The following NEBL variants were observed in gnomAD, a reference collection of about 807,000 sequenced individuals.
NEBL encodes nebulette, also known as LIM and SH3 protein 2.
A neutral mutation model predicts 140.2 loss-of-function variants in NEBL; 122 were observed. That is an observed-to-expected ratio of 0.87 (90% CI 0.75 to 1.01). The LOEUF (loss-of-function observed/expected upper bound fraction) is 1.01. Ranked by LOEUF, NEBL falls within the 50% of genes least tolerant of loss-of-function variation. NEBL has a pLI of 0.00. For synonymous variants in NEBL, 436 were observed against 398.9 expected, an observed-to-expected ratio of 1.09 and a Z score of -1.11; for missense variants, 1,365 against 1,231.3, an observed-to-expected ratio of 1.11 and a Z score of -1.62.
intron 2 of NEBL, among the ~76,000 whole-genome samples, chr10:20,893,401 A>T (rs1342058083): frequency 6.6e-6 from 1 of 152,256 alleles, no homozygotes; most frequent in African/African-American, 2.4e-5. Context: ...ACAGAAAAAT[A>T]AAAGAGGCTG....
intron 2 of NEBL, among the ~76,000 whole-genome samples, chr10:21,159,294 A>T (rs80160833): frequency 0.013 from 1,979 of 152,246 alleles, 29 homozygotes; most frequent in Non-Finnish European, 0.021. Flanking sequence ...TAGACCAGTC[A>T]CAGGGGTATG....
chr10:21,268,298 T>C (rs1448800447), intron 1 of NEBL, among the ~76,000 whole-genome samples: 1 of 151,984 alleles, frequency 6.6e-6, no homozygotes, highest in Non-Finnish European at 1.5e-5. Context: ...GCAAGACCCC[T>C]GTCTCTTCGA....
chr10:20,850,273 A>C (rs917414965), intron 11 of NEBL, 122 bp downstream of exon 11: 1 of 781,644 alleles, frequency 1.3e-6, no homozygotes, highest in East Asian at 2.5e-5. Flanking sequence ...TCTAGAAAGC[A>C]GGTCCTTGAA....
chr10:21,180,684 A>T (rs1841371929), intron 3 of NEBL, among the ~76,000 whole-genome samples: 1 of 152,064 alleles, frequency 6.6e-6, no homozygotes, highest in African/African-American at 2.4e-5. Context: ...CTCTCTCCCT[A>T]AGCCACCTTG....
At chr10:20,940,387 C>T (rs986066353) in intron 4 of NEBL, among the ~76,000 whole-genome samples, 320 of 146,590 alleles carry the variant, frequency 2.2e-3, no homozygotes, top group African/African-American at 7.1e-3. Flanking sequence ...TTGAAACCAA[C>T]GAGAACAAAG....
intron 2 of NEBL, among the ~76,000 whole-genome samples, chr10:21,038,071 A>C (rs895197732): frequency 5.9e-5 from 9 of 152,202 alleles, no homozygotes; most frequent in African/African-American, 2.2e-4. Context: ...TTATGATATC[A>C]CATCTTCTTA....
intron 3 of NEBL, among the ~76,000 whole-genome samples, chr10:21,237,426 A>G (rs1291246332): frequency 6.6e-6 from 1 of 152,118 alleles, no homozygotes; most frequent in Non-Finnish European, 1.5e-5. Flanking sequence ...GCTGGTCTCA[A>G]ACTCCTGACC....
At chr10:21,209,284 G>A (rs906146970) in intron 3 of NEBL, among the ~76,000 whole-genome samples, 1 of 152,138 alleles carries the variant, frequency 6.6e-6, no homozygotes, top group South Asian at 2.1e-4. Flanking sequence ...GAAAACCTAG[G>A]GAAGGGTTGC....
chr10:21,187,980 C>A (rs1169474077), intron 3 of NEBL, among the ~76,000 whole-genome samples: 1 of 152,090 alleles, frequency 6.6e-6, no homozygotes, highest in Non-Finnish European at 1.5e-5. Context: ...TAAAACTAGG[C>A]CCCTCTGGAG....
chr10:20,888,360 C>T (rs1188511397), intron 3 of NEBL, among the ~76,000 whole-genome samples, 153 bp from the exon 4 acceptor site: 1 of 152,170 alleles, frequency 6.6e-6, no homozygotes, highest in African/African-American at 2.4e-5. Context: ...AGCTGACAAA[C>T]TCCAGGATTC....
At position 20,831,586 on chromosome 10, in the gene NEBL, G is replaced by T; in HGVS notation, c.1450-3C>A. The T allele has an allele frequency of 6.3e-7, 1 of 1,580,074 alleles. No homozygotes were observed. Among genetic ancestry groups the T allele is most frequent in the Non-Finnish European group, 8.7e-7 (1 of 1,150,204 alleles). ...TCCAGATCTCTTTTATAGTCTTTCT[G>T]CAGAAAATGAAACATACAGTTAGTG... On this transcript the variant is annotated splice_polypyrimidine_tract_variant and splice_region_variant and intron_variant, in intron 14 of 27. Coordinates refer to ENST00000377122, the MANE Select transcript of NEBL (RefSeq NM_006393.3).
intron 2 of NEBL, among the ~76,000 whole-genome samples, chr10:21,126,974 CAAAAAAAA>C (rs55883304): frequency 6.2e-5 from 4 of 64,186 alleles, no homozygotes; most frequent in Admixed American, 1.9e-4. Context: ...GACCCTGTAT[CAAAAAAAA>C]AAAAAAAAAA....
intron 2 of NEBL, chr10:21,030,290 G>C (rs1833725979): frequency 1.5e-6 from 1 of 646,456 alleles, no homozygotes; most frequent in African/African-American, 1.8e-5. Context: ...AGAAACTCAG[G>C]AACTGGAACG....
chr10:21,130,900 C>G (rs1026821973), intron 2 of NEBL, among the ~76,000 whole-genome samples: 2 of 151,480 alleles, frequency 1.3e-5, no homozygotes, highest in Non-Finnish European at 2.9e-5. Flanking sequence ...GAGCAGAAAA[C>G]AATAAAATTG....
At chr10:21,035,616 G>A (rs1358955136) in intron 2 of NEBL, among the ~76,000 whole-genome samples, 2 of 152,130 alleles carry the variant, frequency 1.3e-5, no homozygotes, top group African/African-American at 4.8e-5. Flanking sequence ...CTTGAATCAG[G>A]AGAAAGATGT....
chr10:21,187,680 A>G (rs1021930672), intron 3 of NEBL, among the ~76,000 whole-genome samples: 1 of 151,656 alleles, frequency 6.6e-6, no homozygotes, highest in Non-Finnish European at 1.5e-5. Context: ...TGCCCTGCTA[A>G]TGTTTGTATT....
chr10:21,078,597 G>T (rs146640211), intron 2 of NEBL, among the ~76,000 whole-genome samples: 1 of 152,112 alleles, frequency 6.6e-6, no homozygotes, highest in Non-Finnish European at 1.5e-5. Flanking sequence ...CTGTATACAC[G>T]TATGCAGAGG....
At chr10:21,101,536 A>G (rs184342321) in intron 2 of NEBL, among the ~76,000 whole-genome samples, 39 of 152,280 alleles carry the variant, frequency 2.6e-4, no homozygotes, top group Admixed American at 2.4e-3. Flanking sequence ...AAAAGAAAAC[A>G]AGCCTGGGTC....
chr10:21,143,501 T>C (rs1474063993), intron 2 of NEBL, among the ~76,000 whole-genome samples: 1 of 148,774 alleles, frequency 6.7e-6, no homozygotes, highest in Non-Finnish European at 1.5e-5. Context: ...TATCAACTAC[T>C]TAGCACAACA....
Sources: allele counts gnomAD v4.1 joint callset (sites outside exome capture counted in the v4.1 genomes callset), GRCh38; gene constraint gnomAD v4.1.1; transcripts MANE v1.5; gene names NCBI Gene and HGNC (gene_info 2026-07-23, HGNC 2026-07-21).